Variants in HPS4 observed in about 807,000 individuals in gnomAD.
HPS4 encodes the protein BLOC-3 complex member HPS4.
In HPS4, 44 loss-of-function variants were observed where a neutral mutation model predicts 70.3. The ratio of observed to expected loss-of-function variants is 0.63; its 90% CI spans 0.49 to 0.80. The LOEUF is 0.80. Among genes scored for constraint, HPS4 ranks in the 30% least tolerant of loss-of-function variants. The pLI is 0.00. For missense variants in HPS4, 873 were observed against 884.4 expected, an observed-to-expected ratio of 0.99 and a Z score of 0.16; for synonymous variants, 377 against 355.9, an observed-to-expected ratio of 1.06 and a Z score of -0.67.
chr22:26,477,382 C>T (rs1307511858), intron 3 of HPS4, among the ~76,000 whole-genome samples: 3 of 152,150 alleles, frequency 2.0e-5, no homozygotes, highest in Non-Finnish European at 4.4e-5. Context: ...TTTGCCAACC[C>T]CTACCTGAGA....
rs3747131 is a variant in HPS4, at chr22:26,466,218, C to G, written c.706+8G>C. 5.4e-4 allele frequency: 878 copies of G among 1,614,182 alleles called. 17 individuals are homozygous for G. The East Asian group carries it at 0.019, about 36-fold the overall frequency. On this transcript the variant is annotated splice_region_variant and intron_variant, in intron 9 of 13. Coordinates refer to ENST00000398145, the MANE Select transcript of HPS4 (RefSeq NM_022081.6). ...TCTCAAGAGGCAACCATGCGCCTCA[C>G]TACTTACCATGTTCCTGCGGGGCAT...
At chr22:26,479,003 C>CTTTTAAAAATA (rs1388724152) in intron 3 of HPS4, among the ~76,000 whole-genome samples, 1 of 152,030 alleles carries the variant, frequency 6.6e-6, no homozygotes, top group Non-Finnish European at 1.5e-5. Flanking sequence ...CTTTTAAAAA[C>CTTTTAAAAATA]CAAGCTGATC....
At chr22:26,466,458 G>C in intron 8 of HPS4, 196 bp from the exon 9 acceptor site, 1 of 678,562 alleles carries the variant, frequency 1.5e-6, no homozygotes, top group Non-Finnish European at 2.6e-6. Context: ...CTGGGATGAA[G>C]CAAGAACCTG....
At chr22:26,466,892 TA>T (rs1390233085) in intron 8 of HPS4, 1 of 155,766 alleles carries the variant, frequency 6.4e-6, no homozygotes, top group Non-Finnish European at 1.4e-5. Flanking sequence ...CTTTCAATCT[TA>T]GAATGATATG....
chr22:26,468,733 C>A (rs2089213335), intron 7 of HPS4, 110 bp from the exon 8 acceptor site: 1 of 994,298 alleles, frequency 1.0e-6, no homozygotes, highest in Non-Finnish European at 1.6e-6. Context: ...GGGGACTTGG[C>A]TGGTGGGAGT....
At chr22:26,481,122 T>A (rs1031752764) in intron 2 of HPS4, among the ~76,000 whole-genome samples, 1 of 151,716 alleles carries the variant, frequency 6.6e-6, no homozygotes, top group Non-Finnish European at 1.5e-5. Flanking sequence ...CATCCCTGCT[T>A]GTGCGGGCAC....
downstream of HPS4, among the ~76,000 whole-genome samples, chr22:26,447,741 ACAC>A (rs1368586564): frequency 2.0e-5 from 3 of 152,166 alleles, no homozygotes; most frequent in East Asian, 5.8e-4. Flanking sequence ...GGCAGGGAAA[ACAC>A]TCAAGCAGAT....
At chr22:26,468,743 T>C (rs771326928) in intron 7 of HPS4, 120 bp from the exon 8 acceptor site, 34 of 867,342 alleles carry the variant, frequency 3.9e-5, no homozygotes, top group Non-Finnish European at 5.7e-5. Flanking sequence ...CTGGTGGGAG[T>C]TTCAACTGGT....
chr22:26,468,181 G>T, intron 8 of HPS4: 1 of 303,166 alleles, frequency 3.3e-6, no homozygotes, highest in Non-Finnish European at 6.4e-6. Flanking sequence ...GGGATTACAG[G>T]TGTGAACCAC....
chr22:26,447,100 TC>T (rs1210887254), downstream of HPS4, among the ~76,000 whole-genome samples: 2 of 152,234 alleles, frequency 1.3e-5, no homozygotes, highest in Non-Finnish European at 2.9e-5. Flanking sequence ...CCATGCTCAG[TC>T]CTTGGGTCTC....
rs2147035848 is a variant in HPS4, at chr22:26,481,622, TA to T, written c.41+99del. ...GAAAATGGCATTTTTATTGTTATGT[TA>T]ATAAAATTAACACAATCTGGCTGGG... is the stretch of plus-strand genomic sequence containing the variant. On this transcript the variant is annotated intron_variant, in intron 2 of 13. Coordinates refer to ENST00000398145, the MANE Select transcript of HPS4 (RefSeq NM_022081.6). 5 of 1,114,396 alleles carry T rather than the reference TA, an allele frequency of 4.5e-6. No individual in the cohort carries two copies. The South Asian group carries it at 6.2e-5, about 14-fold the overall frequency. The allele number at this position is 1,114,396 out of a possible 1,614,324, so 69.0% of individuals were successfully genotyped here. A position where few individuals can be genotyped will look rare whatever the true frequency, so the allele number is the denominator to read the frequency against.
At chr22:26,467,149 T>C (rs948819468) in intron 8 of HPS4, 13 of 152,364 alleles carry the variant, frequency 8.5e-5, no homozygotes, top group African/African-American at 2.6e-4. Flanking sequence ...CACTAAAACA[T>C]CTTTGGCCAT....
rs749888433 is a variant in HPS4, at chr22:26,457,964, T to C, written c.1850A>G (p.Asn617Ser). 6.2e-7 allele frequency: 1 copy of C among 1,612,440 alleles called. No homozygotes were observed. Among genetic ancestry groups the C allele is most frequent in the South Asian group, 1.1e-5 (1 of 91,018 alleles). ...CTGCGGGGTGGCCACCTGCGGCAGG[T>C]TTGCTTCCAGAAGAGGACACAGAGT... The part of the protein sequence containing the change: ...YDRIQSLLMA[N>S]LPQVATPQDR... Residue 617 changes from asparagine to serine, a missense_variant, in exon 13 of 14, where the codon AAC (asparagine) becomes AGC (serine). Coordinates refer to ENST00000398145, the MANE Select transcript of HPS4 (RefSeq NM_022081.6).
rs7290088 is a variant in HPS4, at chr22:26,477,649, A to G, written c.133-513T>C. On this transcript the variant is annotated intron_variant, in intron 3 of 13. Coordinates refer to ENST00000398145, the MANE Select transcript of HPS4 (RefSeq NM_022081.6). ...CTAACGCACAGGACAGCCAGACAGT[A>G]TGGGATACACAGGAAATGTATACAC... 8.1e-3 allele frequency among the ~76,000 whole-genome samples: 1,230 copies of G among 152,312 alleles called. 14 individuals carry two copies. Among genetic ancestry groups the G allele is most frequent in the African/African-American group, 0.028 (1,174 of 41,556 alleles).
At chr22:26,466,023 G>A in intron 9 of HPS4, 1 of 1,514,844 alleles carries the variant, frequency 6.6e-7, no homozygotes, top group Non-Finnish European at 8.9e-7. Context: ...GCAGGGATTT[G>A]ACAGCATGCC....
At chr22:26,477,371 G>T (rs1390614227) in intron 3 of HPS4, among the ~76,000 whole-genome samples, 1 of 152,156 alleles carries the variant, frequency 6.6e-6, no homozygotes, top group Non-Finnish European at 1.5e-5. Context: ...CCTTTACAAA[G>T]TTTGCCAACC....
At chr22:26,449,106 T>C (rs2085053053), downstream of HPS4, among the ~76,000 whole-genome samples, 1 of 152,126 alleles carries the variant, frequency 6.6e-6, no homozygotes, top group South Asian at 2.1e-4. Flanking sequence ...ATCTATCTCC[T>C]TGGCTGCCTT....
rs779017015 is a variant in HPS4 at position 26,466,051 on chromosome 22, C to T, written c.706+175G>A. On this transcript the variant is annotated intron_variant, in intron 9 of 13. Transcript: ENST00000398145. ...AGCATGCCTAAAATCATAGCTTTAC[C>T]ATTAGGGTTCTGGTGGGTAACTCGA... is the stretch of plus-strand genomic sequence containing the variant. The T allele has an allele frequency of 9.4e-5, 145 of 1,542,142 alleles. No individual in the cohort carries two copies. In the Admixed American group the frequency reaches 2.8e-3, roughly 30 times the overall value.
intron 1 of HPS4, chr22:26,482,833 G>A (rs5761559): frequency 6.6e-6 from 1 of 152,162 alleles, no homozygotes; most frequent in African/African-American, 2.4e-5. Flanking sequence ...CTGCGTTCCA[G>A]ATTTTACATC....
Sources: allele counts gnomAD v4.1 joint callset (sites outside exome capture counted in the v4.1 genomes callset), GRCh38; gene constraint gnomAD v4.1.1; transcripts MANE v1.5; gene names NCBI Gene and HGNC (gene_info 2026-07-23, HGNC 2026-07-21).